Variants in IWS1 observed in about 807,000 individuals in gnomAD.
IWS1 encodes the protein interacts with SUPT6H, CTD assembly factor 1.
IWS1 carries 27 observed loss-of-function variants against 86.7 expected under a neutral mutation model. The observed-to-expected ratio is 0.31, with a 90% CI of 0.23 to 0.43. The LOEUF (loss-of-function observed/expected upper bound fraction) is 0.43. Among genes scored for constraint, IWS1 ranks in the 20% least tolerant of loss-of-function variants. The pLI, the probability that IWS1 is intolerant of heterozygous loss-of-function variation, is 1.00. For missense variants in IWS1, 827 were observed against 1,000.8 expected, an observed-to-expected ratio of 0.83 and a Z score of 2.34; for synonymous variants, 313 against 335.1, an observed-to-expected ratio of 0.93 and a Z score of 0.72.
intron 2 of IWS1, chr2:127,514,412 G>T: frequency 6.5e-6 from 1 of 154,598 alleles, no homozygotes; most frequent in Non-Finnish European, 1.5e-5. Flanking sequence ...AGAAAAAGTC[G>T]CTGGGCATGG....
chr2:127,502,997 T>C (rs1690899880), intron 4 of IWS1, 125 bp from the exon 5 acceptor site: 1 of 612,376 alleles, frequency 1.6e-6, no homozygotes, highest in South Asian at 2.0e-5. Flanking sequence ...GTTCAATGAG[T>C]TTTAACAAAT....
intron 10 of IWS1, among the ~76,000 whole-genome samples, 154 bp from the exon 11 acceptor site, chr2:127,490,097 A>T (rs576348633): frequency 1.3e-5 from 2 of 152,372 alleles, no homozygotes; most frequent in African/African-American, 4.8e-5. Flanking sequence ...AGGATAAACA[A>T]AGCATAATGC....
At position 127,489,076 on chromosome 2, in the gene IWS1, C is replaced by T; in HGVS notation, c.2216+103G>A. 1 of 792,662 alleles carries T rather than the reference C, an allele frequency of 1.3e-6. No homozygotes were observed. Among genetic ancestry groups the T allele is most frequent in the East Asian group, 2.6e-5 (1 of 39,160 alleles). 49.1% of individuals were successfully genotyped at this position (792,662 alleles called of 1,614,324 possible). On this transcript the variant is annotated intron_variant, in intron 12 of 13. Coordinates refer to ENST00000295321, the MANE Select transcript of IWS1 (RefSeq NM_017969.3). The surrounding 1 kb of genome is among the most constrained non-coding windows in gnomAD (Gnocchi z 4.8). The stretch of plus-strand genomic sequence containing the variant: ...AAACGTTAAAATGAAAGTCACCTCC[C>T]ACAAATGAGAGCATAACATCATTTC...
chr2:127,516,458 A>C (rs1691779549), intron 2 of IWS1, among the ~76,000 whole-genome samples: 1 of 152,158 alleles, frequency 6.6e-6, no homozygotes, highest in African/African-American at 2.4e-5. Context: ...AAATCAACTA[A>C]ATCAGATATC....
chr2:127,490,042 A>G, intron 10 of IWS1, 99 bp from the exon 11 acceptor site: 1 of 725,356 alleles, frequency 1.4e-6, no homozygotes, highest in Non-Finnish European at 2.5e-6. Flanking sequence ...CTAGACATTT[A>G]GAATATTCTT....
At chr2:127,514,196 T>A (rs963137316) in intron 2 of IWS1, 2 of 154,390 alleles carry the variant, frequency 1.3e-5, no homozygotes, top group Non-Finnish European at 2.9e-5. Flanking sequence ...CACCTTTGGA[T>A]AGGGGCTGCC....
At chr2:127,503,835 A>G (rs1690953858) in intron 3 of IWS1, among the ~76,000 whole-genome samples, 1 of 152,184 alleles carries the variant, frequency 6.6e-6, no homozygotes, top group East Asian at 1.9e-4. Context: ...ATGAAGAAAG[A>G]TATCATCAAT....
chr2:127,525,703 G>A (rs1251008054), intron 1 of IWS1, among the ~76,000 whole-genome samples: 1 of 152,204 alleles, frequency 6.6e-6, no homozygotes, highest in South Asian at 2.1e-4. Flanking sequence ...CCACCAGTAA[G>A]TGCCAGAAGC....
At chr2:127,525,761 C>A (rs770820519) in intron 1 of IWS1, among the ~76,000 whole-genome samples, 1 of 152,204 alleles carries the variant, frequency 6.6e-6, no homozygotes. Context: ...CCTGCACTTA[C>A]GTCCGGTGTT....
rs1401504014 is a variant in IWS1 at position 127,505,841 on chromosome 2, T to A, written c.151-89A>T. 3 of 891,168 alleles carry A rather than the reference T, an allele frequency of 3.4e-6. No homozygotes were observed. The highest frequency in any genetic ancestry group is 5.0e-6 in the Non-Finnish European group (3 of 604,948). The allele number at this position is 891,168 out of a possible 1,614,324, so 55.2% of individuals were successfully genotyped here. A position where few individuals can be genotyped will look rare whatever the true frequency, so the allele number is the denominator to read the frequency against. ...CATTAAATTTTTTCTGTGATTTTTT[T>A]AAAATACAGGATTATGTGCACCTAA... On this transcript the variant is annotated intron_variant, in intron 2 of 13. Transcript: ENST00000295321. This position sits in a 1 kb window ranked among gnomAD's most constrained non-coding sequence, Gnocchi z 5.0.
At chr2:127,512,192 C>T (rs1260040633) in intron 2 of IWS1, among the ~76,000 whole-genome samples, 1 of 152,154 alleles carries the variant, frequency 6.6e-6, no homozygotes, top group Non-Finnish European at 1.5e-5. Context: ...TTAAGATAAG[C>T]ATTTCCTTTG....
In IWS1 at chr2:127,493,290, G is replaced by T; in HGVS notation, c.1920C>A (p.Ile640=). The T allele has an allele frequency of 1.2e-6, 2 of 1,611,438 alleles. No homozygotes were observed. The highest frequency in any genetic ancestry group is 1.7e-6 in the Non-Finnish European group (2 of 1,179,250). Residue 640 remains isoleucine (I), a synonymous_variant, in exon 9 of 14, where the codon ATC becomes ATA. Coordinates refer to ENST00000295321, the MANE Select transcript of IWS1 (RefSeq NM_017969.3). ...ATTATCTGCCTCTAACCTCTTGCAGGATCTTCAGCAGCTCCTCCCGGATCT... is the reference window on the plus strand; with the variant it reads ...ATTATCTGCCTCTAACCTCTTGCAGTATCTTCAGCAGCTCCTCCCGGATCT... ...ALKIREELLK[I]LQELPSVSQE... is the part of the protein sequence containing the mutation.
intron 2 of IWS1, among the ~76,000 whole-genome samples, chr2:127,515,423 G>A (rs1358095193): frequency 2.0e-5 from 3 of 152,130 alleles, no homozygotes; most frequent in East Asian, 1.9e-4. Flanking sequence ...GGCAGGACCC[G>A]GAGGTCCTCA....
chr2:127,508,314 A>G (rs1332320957), intron 2 of IWS1, among the ~76,000 whole-genome samples: 2 of 151,440 alleles, frequency 1.3e-5, no homozygotes, highest in Middle Eastern at 3.2e-3. Flanking sequence ...TGATATTTCA[A>G]AAGTGTACTG....
chr2:127,520,493 G>A (rs1035252108), intron 2 of IWS1, among the ~76,000 whole-genome samples: 8 of 152,034 alleles, frequency 5.3e-5, no homozygotes, highest in Admixed American at 3.3e-4. Flanking sequence ...TAATGCAACC[G>A]TACTCTTTTA....
intron 13 of IWS1, chr2:127,482,798 G>C (rs776931952): frequency 1.3e-4 from 20 of 152,056 alleles, no homozygotes; most frequent in Non-Finnish European, 1.8e-4. Context: ...CATACACCAA[G>C]TTCAATGATC....
chr2:127,496,497 G>A (rs1245909957), intron 6 of IWS1, among the ~76,000 whole-genome samples: 6 of 150,512 alleles, frequency 4.0e-5, no homozygotes, highest in Non-Finnish European at 8.8e-5. Context: ...CCAAATTCCA[G>A]TCCTGCTTTC....
intron 6 of IWS1, 103 bp downstream of exon 6, chr2:127,498,037 C>G: frequency 1.1e-6 from 1 of 884,838 alleles, no homozygotes; most frequent in Non-Finnish European, 1.8e-6. Context: ...AGACCCACTC[C>G]TAAACTTAAT....
upstream of IWS1, chr2:127,526,574 G>C (rs1692434266): frequency 1.4e-6 from 2 of 1,397,156 alleles, no homozygotes; most frequent in East Asian, 3.8e-5. Context: ...AATGACGCCA[G>C]GCACGGCCGG....
Sources: allele counts gnomAD v4.1 joint callset (sites outside exome capture counted in the v4.1 genomes callset), GRCh38; gene constraint gnomAD v4.1.1; non-coding constraint Gnocchi (gnomAD v3.1); transcripts MANE v1.5; gene names NCBI Gene and HGNC (gene_info 2026-07-23, HGNC 2026-07-21).